Variants in KLF8 observed in about 807,000 individuals in gnomAD.
KLF8 encodes the protein KLF transcription factor 8.
A neutral mutation model predicts 18.2 loss-of-function variants in KLF8; 10 were observed. The observed-to-expected ratio is 0.55, with a 90% CI of 0.34 to 0.93. The LOEUF is 0.93. Among genes scored for constraint, KLF8 ranks in the 40% least tolerant of loss-of-function variants. The pLI is 0.02. For synonymous variants in KLF8, 109 were observed against 97.3 expected (o/e 1.12, Z -0.71); for missense variants, 264 against 277.9 (o/e 0.95, Z 0.36).
chrX:56,035,218 G>A, the KLF8 span, among the ~76,000 whole-genome samples: 1 of 111,594 alleles, frequency 9.0e-6, no homozygotes, highest in Non-Finnish European at 1.9e-5. Context: ...AGCATACATG[G>A]TTTAACCTTC....
At chrX:56,200,103 G>A in the KLF8 span, among the ~76,000 whole-genome samples, 1 of 110,891 alleles carries the variant, frequency 9.0e-6, no homozygotes, top group South Asian at 3.8e-4. Context: ...GCTGGGGGAG[G>A]GATAGCATTA....
At chrX:56,267,180 A>T in intron 3 of KLF8, 1 of 753,870 alleles carries the variant, frequency 1.3e-6, no homozygotes. Context: ...ATAAATTTTA[A>T]ATGTGCTCAA....
chrX:56,080,767 C>A, the KLF8 span, among the ~76,000 whole-genome samples: 8 of 111,672 alleles, frequency 7.2e-5, no homozygotes, highest in African/African-American at 2.6e-4. Flanking sequence ...TCCATTCTCC[C>A]CATCACTTTC....
chrX:55,958,747 C>A, the KLF8 span, among the ~76,000 whole-genome samples: 1 of 112,242 alleles, frequency 8.9e-6, no homozygotes, highest in African/African-American at 3.2e-5. Flanking sequence ...GATTTAAGCA[C>A]TGATTAGAGA....
chrX:56,141,021 C>T, the KLF8 span, among the ~76,000 whole-genome samples: 1 of 111,412 alleles, frequency 9.0e-6, no homozygotes, highest in African/African-American at 3.3e-5. Context: ...TCACTGTCAC[C>T]CAGGCTGGAT....
At chrX:56,048,827 G>T in the KLF8 span, among the ~76,000 whole-genome samples, 3 of 111,469 alleles carry the variant, frequency 2.7e-5, no homozygotes, top group Non-Finnish European at 5.7e-5. Flanking sequence ...AGCTTGATGG[G>T]GTTGGCATTG....
At chrX:56,277,611 A>G (rs1452141813) in intron 5 of KLF8, among the ~76,000 whole-genome samples, 1 of 112,033 alleles carries the variant, frequency 8.9e-6, no homozygotes, top group Non-Finnish European at 1.9e-5. Context: ...TTAAACTAAT[A>G]CAGCACTGGA....
At chrX:55,974,163 T>G in the KLF8 span, among the ~76,000 whole-genome samples, 248 of 110,987 alleles carry the variant, frequency 2.2e-3, 1 homozygote, top group African/African-American at 7.8e-3. Flanking sequence ...AGAAGGGAAT[T>G]GTAGACACCA....
chrX:56,220,177 T>C, the KLF8 span, among the ~76,000 whole-genome samples: 1 of 112,450 alleles, frequency 8.9e-6, no homozygotes, highest in East Asian at 2.8e-4. Context: ...AGAGCAATAA[T>C]AGAATAACAG....
At chrX:56,012,230 A>C in the KLF8 span, among the ~76,000 whole-genome samples, 1 of 112,068 alleles carries the variant, frequency 8.9e-6, no homozygotes, top group East Asian at 2.8e-4. Context: ...ATACTGGCAA[A>C]CCAATTCCAG....
At chrX:56,081,597 G>T in the KLF8 span, among the ~76,000 whole-genome samples, 1 of 112,002 alleles carries the variant, frequency 8.9e-6, no homozygotes. Flanking sequence ...TTTTGTGTAT[G>T]ATTTAGCTAT....
the KLF8 span, among the ~76,000 whole-genome samples, chrX:56,111,844 G>A: frequency 1.8e-5 from 2 of 112,171 alleles, no homozygotes; most frequent in African/African-American, 6.5e-5. Context: ...AGATGCTGGA[G>A]AGGATGTGGA....
the KLF8 span, among the ~76,000 whole-genome samples, chrX:56,047,654 C>A: frequency 9.0e-6 from 1 of 111,255 alleles, no homozygotes; most frequent in Non-Finnish European, 1.9e-5. Flanking sequence ...TTTTCTTAAT[C>A]CAGTCTATCA....
chrX:55,942,746 A>G, the KLF8 span, among the ~76,000 whole-genome samples: 2 of 111,826 alleles, frequency 1.8e-5, no homozygotes, highest in South Asian at 3.7e-4. Flanking sequence ...CATGTGAAAC[A>G]TGGAAGAAGA....
the KLF8 span, among the ~76,000 whole-genome samples, chrX:56,059,592 A>G: frequency 8.9e-6 from 1 of 111,857 alleles, no homozygotes; most frequent in South Asian, 3.7e-4. Flanking sequence ...TTTTCCCAAC[A>G]CCATTTATTA....
At chrX:55,970,101 C>T in the KLF8 span, among the ~76,000 whole-genome samples, 1 of 110,837 alleles carries the variant, frequency 9.0e-6, no homozygotes, top group Non-Finnish European at 1.9e-5. Flanking sequence ...ACTCTCATAT[C>T]AAAGCCAGAC....
chrX:56,232,013 A>G, upstream of KLF8, among the ~76,000 whole-genome samples: 1 of 111,039 alleles, frequency 9.0e-6, no homozygotes, highest in Admixed American at 9.6e-5. Context: ...TGTTCGTGTT[A>G]CCATGGAGAG....
chrX:56,113,533 G>A, the KLF8 span, among the ~76,000 whole-genome samples: 1 of 96,017 alleles, frequency 1.0e-5, no homozygotes, highest in Admixed American at 1.2e-4. Context: ...TCAGTGGTCA[G>A]ACAGTGACCT....
the KLF8 span, among the ~76,000 whole-genome samples, chrX:56,108,676 C>T: frequency 9.0e-6 from 1 of 111,312 alleles, no homozygotes; most frequent in South Asian, 3.7e-4. Flanking sequence ...TATTGCTTTT[C>T]TATTCCCTAT....
Sources: allele counts gnomAD v4.1 joint callset (sites outside exome capture counted in the v4.1 genomes callset), GRCh38; gene constraint gnomAD v4.1.1; transcripts MANE v1.5; gene names NCBI Gene and HGNC (gene_info 2026-07-23, HGNC 2026-07-21).